Variants in BBS9 observed in about 807,000 individuals in gnomAD.
BBS9 encodes the protein protein PTHB1.
Under a neutral mutation model 117.7 loss-of-function variants are expected in BBS9, and 89 were observed. The observed-to-expected ratio is 0.76, with a 90% confidence interval of 0.64 to 0.90. BBS9 has a LOEUF of 0.90. Ranked by LOEUF, BBS9 falls within the 40% of genes least tolerant of loss-of-function variation. The pLI is 0.00. For synonymous variants in BBS9, 379 were observed against 370.9 expected (o/e 1.02, Z -0.25); for missense variants, 982 against 1,042.2 (o/e 0.94, Z 0.80).
In BBS9 at chr7:33,605,253, G is replaced by C. The variant is rs909149540; in HGVS notation, c.*27G>C. 3.1e-6 allele frequency: 5 copies of C among 1,607,690 alleles called. No individual in the cohort carries two copies. The Admixed American group carries it at 6.7e-5, about 21-fold the overall frequency. On this transcript the variant is annotated 3_prime_UTR_variant, in exon 23 of 23. Coordinates refer to ENST00000242067, the MANE Select transcript of BBS9 (RefSeq NM_198428.3). ...TCAAGTAGAGTTGTTTGGTTGAGAG[G>C]AACATCCCCATCTCAAGGCCGAACC...
chr7:33,438,444 G>A (rs892997030), intron 19 of BBS9, among the ~76,000 whole-genome samples: 7 of 152,132 alleles, frequency 4.6e-5, no homozygotes, highest in African/African-American at 1.4e-4. Flanking sequence ...TAAAGAATCC[G>A]ACATAATTAA....
At chr7:33,347,397 C>T (rs997627201) in intron 12 of BBS9, among the ~76,000 whole-genome samples, 4 of 151,906 alleles carry the variant, frequency 2.6e-5, no homozygotes, top group Non-Finnish European at 5.9e-5. Context: ...TGCATGGTGT[C>T]TTCCTGCCAT....
downstream of BBS9, among the ~76,000 whole-genome samples, chr7:33,607,450 A>T (rs1864638895): frequency 1.3e-5 from 2 of 152,162 alleles, no homozygotes; most frequent in Non-Finnish European, 2.9e-5. Context: ...TAAGATGAAT[A>T]AAAATTCTAA....
At chr7:33,570,400 A>G (rs1857586506) in intron 21 of BBS9, among the ~76,000 whole-genome samples, 1 of 152,238 alleles carries the variant, frequency 6.6e-6, no homozygotes, top group Non-Finnish European at 1.5e-5. Flanking sequence ...TAAAAGAAAT[A>G]TGAACCCATA....
intron 21 of BBS9, among the ~76,000 whole-genome samples, chr7:33,559,141 A>C (rs894692231): frequency 6.6e-6 from 1 of 152,210 alleles, no homozygotes; most frequent in Middle Eastern, 3.2e-3. Flanking sequence ...GATCATCAGC[A>C]AGAGAATTGT....
At chr7:33,325,633 T>G (rs1812669084) in intron 9 of BBS9, among the ~76,000 whole-genome samples, 1 of 152,190 alleles carries the variant, frequency 6.6e-6, no homozygotes, top group South Asian at 2.1e-4. Context: ...TCTGAAGGCT[T>G]TCCAGGTATT....
intron 17 of BBS9, among the ~76,000 whole-genome samples, chr7:33,376,132 T>C (rs1006568044): frequency 6.6e-6 from 1 of 152,086 alleles, no homozygotes; most frequent in Non-Finnish European, 1.5e-5. Flanking sequence ...CTCACCCAGG[T>C]ACTAAGTGTA....
chr7:33,411,128 G>A (rs1287090436), intron 19 of BBS9, among the ~76,000 whole-genome samples: 3 of 151,058 alleles, frequency 2.0e-5, no homozygotes, highest in African/African-American at 2.4e-5. Context: ...AAGGATGCCT[G>A]GAACATGTGG....
At chr7:33,531,341 C>T (rs765238131) in intron 20 of BBS9, among the ~76,000 whole-genome samples, 2 of 152,130 alleles carry the variant, frequency 1.3e-5, no homozygotes, top group African/African-American at 2.4e-5. Context: ...TGTCAGTGCA[C>T]TCAATGTGAA....
intron 19 of BBS9, among the ~76,000 whole-genome samples, chr7:33,485,409 A>T (rs1842977735): frequency 6.8e-6 from 1 of 147,286 alleles, no homozygotes; most frequent in Non-Finnish European, 1.5e-5. Context: ...TCCCGGGTTC[A>T]TGCCATTCTC....
Position 33,215,643 on chromosome 7 carries a change from A to G in BBS9, c.442+38052A>G, listed in dbSNP as rs1788906523. Among the ~76,000 whole-genome samples the G allele has an allele frequency of 2.0e-5, 3 of 151,684 alleles. No homozygotes were observed. The South Asian group carries it at 6.2e-4, about 32-fold the overall frequency. On this transcript the variant is annotated intron_variant, in intron 5 of 22. Coordinates refer to ENST00000242067, the MANE Select transcript of BBS9 (RefSeq NM_198428.3). ...CATAGACACACACAGACACACAGAG[A>G]CACACACACACACAGGAATATTATT...
At chr7:33,494,213 A>G (rs1844412737) in intron 19 of BBS9, among the ~76,000 whole-genome samples, 1 of 152,090 alleles carries the variant, frequency 6.6e-6, no homozygotes, top group Non-Finnish European at 1.5e-5. Flanking sequence ...GAGAGATGCT[A>G]TTGGCATCTA....
chr7:33,197,632 G>T (rs1438068451), intron 5 of BBS9, among the ~76,000 whole-genome samples: 2 of 151,694 alleles, frequency 1.3e-5, no homozygotes, highest in East Asian at 3.9e-4. Context: ...CTGATTATAG[G>T]ATATACTAGA....
At chr7:33,246,180 G>A (rs1795300203) in intron 5 of BBS9, among the ~76,000 whole-genome samples, 1 of 152,098 alleles carries the variant, frequency 6.6e-6, no homozygotes, top group Non-Finnish European at 1.5e-5. Context: ...TGATAGGAAT[G>A]GACAGTTCAG....
intron 5 of BBS9, among the ~76,000 whole-genome samples, chr7:33,242,340 G>C (rs975030854): frequency 1.3e-5 from 2 of 151,844 alleles, no homozygotes; most frequent in African/African-American, 4.8e-5. Flanking sequence ...CTTTGTACTG[G>C]GGAGATAAAG....
chr7:33,562,794 C>A (rs887827022), intron 21 of BBS9, among the ~76,000 whole-genome samples: 1 of 152,028 alleles, frequency 6.6e-6, no homozygotes, highest in Non-Finnish European at 1.5e-5. Context: ...CATGGTGGCA[C>A]GCGCCTGTAG....
At chr7:33,202,014 T>C (rs762764134) in intron 5 of BBS9, among the ~76,000 whole-genome samples, 18 of 152,218 alleles carry the variant, frequency 1.2e-4, no homozygotes, top group Non-Finnish European at 1.8e-4. Context: ...AGTGAGTTAT[T>C]TCACTTCTGG....
At chr7:33,390,610 C>T (rs1826894565) in intron 19 of BBS9, 4 of 968,722 alleles carry the variant, frequency 4.1e-6, no homozygotes, top group Non-Finnish European at 3.7e-6. Flanking sequence ...GTTGATTGTT[C>T]AATAAGTTTC....
intron 21 of BBS9, among the ~76,000 whole-genome samples, chr7:33,633,723 G>A (rs1866007886): frequency 6.6e-6 from 1 of 151,974 alleles, no homozygotes; most frequent in Admixed American, 6.5e-5. Flanking sequence ...CAGATTCAGA[G>A]GAAAAATTAT....
Sources: gnomAD v4.1 joint callset for allele counts (sites outside exome capture counted in the v4.1 genomes callset) on GRCh38, gnomAD v4.1.1 for gene constraint, MANE v1.5 for transcripts, NCBI Gene and HGNC (gene_info 2026-07-23, HGNC 2026-07-21) for gene names.